KDM4A: variants seen among roughly 807,000 people sequenced by gnomAD.
The protein encoded by KDM4A is lysine demethylase 4A.
A neutral mutation model predicts 127.1 loss-of-function variants in KDM4A; 23 were observed. The ratio of observed to expected loss-of-function variants is 0.18; its 90% confidence interval spans 0.13 to 0.26. The LOEUF is 0.26. KDM4A is among the 10% of genes least tolerant of loss of function. The pLI is 1.00. For missense variants in KDM4A, 890 were observed against 1,329.1 expected, an observed-to-expected ratio of 0.67 and a Z score of 5.14; for synonymous variants, 443 against 466.5, an observed-to-expected ratio of 0.95 and a Z score of 0.65.
At chr1:43,690,613 T>G in intron 13 of KDM4A, 1 of 577,232 alleles carries the variant, frequency 1.7e-6, no homozygotes, top group Non-Finnish European at 3.1e-6. Context: ...CTTACCTTGC[T>G]CCCTTTTCTC....
intron 11 of KDM4A, among the ~76,000 whole-genome samples, chr1:43,673,380 G>A (rs1294148559): frequency 3.9e-5 from 6 of 152,136 alleles, no homozygotes; most frequent in Admixed American, 2.6e-4. Context: ...GAGCCCCCGC[G>A]TGTACTCATC....
Position 43,703,712 on chromosome 1 carries a change from C to G in KDM4A, c.2937C>G (p.Ala979=). ...AAGTCTATGGAGCCAAGTTTGTGGC[C>G]TCCCACCCTATCCAAATGTACCAGG... ...DGQVYGAKFV[A]SHPIQMYQVE... is the part of the protein sequence containing the mutation. Residue 979 remains alanine (A), a synonymous_variant, in exon 20 of 22, where the codon GCC becomes GCG. Transcript: ENST00000372396. 6.2e-7 allele frequency: 1 copy of G among 1,614,132 alleles called. No homozygotes were observed.
At chr1:43,673,948 T>C (rs1660684101) in intron 11 of KDM4A, among the ~76,000 whole-genome samples, 1 of 151,936 alleles carries the variant, frequency 6.6e-6, no homozygotes, top group South Asian at 2.1e-4. Context: ...AAATACTTTG[T>C]TTATCTTTTT....
chr1:43,653,171 G>A lies in KDM4A; in HGVS notation c.-5G>A, dbSNP rs778384733. On this transcript the variant is annotated 5_prime_UTR_variant, in exon 2 of 22. Coordinates refer to ENST00000372396, the MANE Select transcript of KDM4A (RefSeq NM_014663.3). ...TGACTAAAGGGACCTCAAAAAGGAG[G>A]GAAAATGGCTTCTGAGTCTGAAACT... 6.8e-6 allele frequency: 11 copies of A among 1,608,788 alleles called. No homozygotes were observed. Among genetic ancestry groups the A allele is most frequent in the Non-Finnish European group, 8.5e-6 (10 of 1,177,234 alleles).
At chr1:43,701,869 TC>T (rs1333345358) in intron 19 of KDM4A, among the ~76,000 whole-genome samples, 1 of 152,164 alleles carries the variant, frequency 6.6e-6, no homozygotes, top group African/African-American at 2.4e-5. Flanking sequence ...CAGATAGATT[TC>T]TTTGAGACAA....
intron 18 of KDM4A, among the ~76,000 whole-genome samples, chr1:43,697,423 G>A (rs1375433071): frequency 2.6e-5 from 4 of 152,222 alleles, no homozygotes; most frequent in African/African-American, 9.6e-5. Context: ...TAGCCCTGAG[G>A]GTAATGCTGC....
chr1:43,652,653 A>C (rs1252377687), intron 1 of KDM4A, among the ~76,000 whole-genome samples: 5 of 149,664 alleles, frequency 3.3e-5, no homozygotes, highest in Non-Finnish European at 7.4e-5. Flanking sequence ...CCCCACCCTA[A>C]ATTACTTTTC....
rs907762106 is a variant in KDM4A, at chr1:43,679,937, A to C, written c.1735-3747A>C. Among the ~76,000 whole-genome samples the C allele has an allele frequency of 2.6e-5, 4 of 152,268 alleles. 1 individual carries two copies. In the South Asian group the frequency reaches 8.3e-4, roughly 32 times the overall value. The stretch of plus-strand genomic sequence containing the variant: ...CTGCCTGCTATCCCGCCCTGTCTGC[A>C]AAAAGAGCCCTCTGGGGAAGGGTTT... On this transcript the variant is annotated intron_variant, in intron 11 of 21. Transcript: ENST00000372396.
intron 11 of KDM4A, among the ~76,000 whole-genome samples, chr1:43,673,884 T>TGCAATC (rs1660682793): frequency 6.6e-6 from 1 of 152,254 alleles, no homozygotes; most frequent in African/African-American, 2.4e-5. Context: ...TGTTTCTAGT[T>TGCAATC]GCAATCACAA....
chr1:43,693,282 C>T lies in KDM4A; in HGVS notation c.2376-712C>T, dbSNP rs1020243271. 6.6e-6 allele frequency among the ~76,000 whole-genome samples: 1 copy of T among 152,212 alleles called. No homozygotes were observed. Among genetic ancestry groups the T allele is most frequent in the Non-Finnish European group, 1.5e-5 (1 of 68,032 alleles). ...TCTGTTCCCACTCTAAAAAGACAGC[C>T]CCACTAGAACTGCAGAGAGCTTCCA... is the stretch of plus-strand genomic sequence containing the variant. On this transcript the variant is annotated intron_variant, in intron 16 of 21. Transcript: ENST00000372396. This position sits in a 1 kb window ranked among gnomAD's most constrained non-coding sequence, Gnocchi z 4.2.
At chr1:43,659,371 C>T (rs772073244) in intron 3 of KDM4A, among the ~76,000 whole-genome samples, 1 of 152,044 alleles carries the variant, frequency 6.6e-6, no homozygotes, top group African/African-American at 2.4e-5. Context: ...AGTGCAGTGG[C>T]GTTAGTTAGC....
chr1:43,674,895 G>A (rs1660706829), intron 11 of KDM4A, among the ~76,000 whole-genome samples: 2 of 152,080 alleles, frequency 1.3e-5, no homozygotes. Context: ...TGTGGATGTA[G>A]GCCAGAATGC....
chr1:43,668,188 C>G (rs1036210950), intron 9 of KDM4A, among the ~76,000 whole-genome samples, 169 bp downstream of exon 9: 1 of 151,970 alleles, frequency 6.6e-6, no homozygotes, highest in African/African-American at 2.4e-5. Flanking sequence ...TGCAGTGGTG[C>G]GATCTCGGCT....
chr1:43,657,079 T>G (rs1395402440), intron 3 of KDM4A, among the ~76,000 whole-genome samples: 1 of 151,852 alleles, frequency 6.6e-6, no homozygotes, highest in Non-Finnish European at 1.5e-5. Context: ...AGCTAATATT[T>G]TTTATTATTT....
At chr1:43,673,349 G>A (rs1028283683) in intron 11 of KDM4A, among the ~76,000 whole-genome samples, 4 of 151,970 alleles carry the variant, frequency 2.6e-5, no homozygotes, top group Admixed American at 6.5e-5. Flanking sequence ...AATTTCTGAC[G>A]TACGTACAAA....
chr1:43,654,100 CTCTT>C (rs1660179503), intron 2 of KDM4A, among the ~76,000 whole-genome samples: 1 of 152,226 alleles, frequency 6.6e-6, no homozygotes, highest in Admixed American at 6.5e-5. Flanking sequence ...CGACCACATC[CTCTT>C]TCTTATCTGC....
At chr1:43,656,265 T>C (rs1280229861) in intron 3 of KDM4A, among the ~76,000 whole-genome samples, 1 of 152,006 alleles carries the variant, frequency 6.6e-6, no homozygotes, top group Non-Finnish European at 1.5e-5. Flanking sequence ...TCTCTGTACA[T>C]TCCTGTCTCT....
chr1:43,653,587 T>C, intron 2 of KDM4A: 1 of 259,398 alleles, frequency 3.9e-6, no homozygotes. Flanking sequence ...GCCCTCTTGG[T>C]GGAGCTGGGT....
At chr1:43,668,417 G>A (rs1000568178) in intron 9 of KDM4A, among the ~76,000 whole-genome samples, 2 of 152,132 alleles carry the variant, frequency 1.3e-5, no homozygotes, top group Admixed American at 6.5e-5. Flanking sequence ...GAGCCACCGC[G>A]CCCGGCCGAG....
Sources: allele counts gnomAD v4.1 joint callset (sites outside exome capture counted in the v4.1 genomes callset), GRCh38; gene constraint gnomAD v4.1.1; non-coding constraint Gnocchi (gnomAD v3.1); transcripts MANE v1.5; gene names NCBI Gene and HGNC (gene_info 2026-07-23, HGNC 2026-07-21).